DPP6: variants seen among roughly 807,000 people sequenced by gnomAD.
DPP6 encodes the protein A-type potassium channel modulatory protein DPP6.
In DPP6, 69 loss-of-function variants were observed where a neutral mutation model predicts 122.6. The observed-to-expected ratio is 0.56, with a 90% CI of 0.46 to 0.69. The LOEUF is 0.69. Among genes scored for constraint, DPP6 ranks in the 30% least tolerant of loss-of-function variants. The pLI is 0.00. For missense variants in DPP6, 928 were observed against 1,116.9 expected (o/e 0.83, Z 2.41); for synonymous variants, 418 against 433.1 (o/e 0.97, Z 0.43).
chr7:154,083,893 G>T (rs1040210119), intron 1 of DPP6, among the ~76,000 whole-genome samples: 4 of 147,170 alleles, frequency 2.7e-5, no homozygotes, highest in African/African-American at 1.1e-4. Flanking sequence ...TGGGAAATGG[G>T]AGAACAGCTG....
intron 1 of DPP6, among the ~76,000 whole-genome samples, chr7:154,201,573 A>G (rs943649568): frequency 2.0e-5 from 3 of 152,198 alleles, no homozygotes; most frequent in African/African-American, 7.2e-5. Context: ...TCACTCCTAA[A>G]TAAGAAAGTA....
intron 1 of DPP6, among the ~76,000 whole-genome samples, chr7:153,979,037 G>A (rs868323141): frequency 6.6e-5 from 10 of 151,834 alleles, no homozygotes; most frequent in East Asian, 3.9e-4. Context: ...CTCTTTTTTC[G>A]GTTCCATATG....
chr7:153,851,835 TTGAC>T, the DPP6 span, among the ~76,000 whole-genome samples: 1 of 152,224 alleles, frequency 6.6e-6, no homozygotes, highest in Non-Finnish European at 1.5e-5. Flanking sequence ...TTTTCATTGT[TTGAC>T]TAAGTTCTTG....
At chr7:154,124,519 G>A (rs559902109) in intron 1 of DPP6, among the ~76,000 whole-genome samples, 27 of 152,322 alleles carry the variant, frequency 1.8e-4, no homozygotes, top group African/African-American at 4.8e-4. Flanking sequence ...CAGGGAGTTA[G>A]TGTTTTCTCC....
At chr7:154,382,788 A>G (rs889255512) in intron 1 of DPP6, among the ~76,000 whole-genome samples, 3 of 152,026 alleles carry the variant, frequency 2.0e-5, no homozygotes, top group Admixed American at 6.6e-5. Flanking sequence ...CTGTAGTGCA[A>G]TGGTGCGGTC....
In DPP6 at chr7:154,446,309, G is replaced by A. The variant is rs376122301; in HGVS notation, c.339G>A (p.Ser113=). 120 of 1,611,606 alleles carry A rather than the reference G, an allele frequency of 7.4e-5. No homozygotes were observed. Among genetic ancestry groups the A allele is most frequent in the African/African-American group, 2.0e-4 (15 of 74,902 alleles). ...ILVICSLIVT[S]VILLTPAEDN... is the part of the protein sequence containing the mutation. ...TCATCTGCTCCTTGATCGTCACCTCGGTCATACTTCTGACACCAGGTACTG... is the reference window on the plus strand; with the variant it reads ...TCATCTGCTCCTTGATCGTCACCTCAGTCATACTTCTGACACCAGGTACTG... The change falls in exon 2 of 26, where the codon TCG becomes TCA. Residue 113 remains serine, a synonymous_variant. Coordinates refer to ENST00000377770, the MANE Select transcript of DPP6 (RefSeq NM_130797.4).
intron 1 of DPP6, among the ~76,000 whole-genome samples, chr7:154,398,361 A>T (rs1020906588): frequency 6.6e-6 from 1 of 152,184 alleles, no homozygotes; most frequent in Non-Finnish European, 1.5e-5. Context: ...CTTAACTCTA[A>T]GCATTAGCAT....
the DPP6 span, among the ~76,000 whole-genome samples, chr7:153,828,174 C>A: frequency 0.053 from 8,005 of 152,234 alleles, 673 homozygotes; most frequent in African/African-American, 0.18. Flanking sequence ...GAGAGGCCCA[C>A]TTCCTCTGCA....
At chr7:154,238,444 G>A (rs2150867316) in intron 1 of DPP6, among the ~76,000 whole-genome samples, 1 of 152,284 alleles carries the variant, frequency 6.6e-6, no homozygotes, top group South Asian at 2.1e-4. Context: ...GGTGATAATA[G>A]CAATAACTGG....
At chr7:154,281,282 G>A (rs969505879) in intron 1 of DPP6, among the ~76,000 whole-genome samples, 7 of 152,066 alleles carry the variant, frequency 4.6e-5, no homozygotes, top group African/African-American at 1.7e-4. Flanking sequence ...CCTAATGCCA[G>A]GATTACAGGC....
chr7:154,692,006 G>T (rs1839959068), intron 7 of DPP6, among the ~76,000 whole-genome samples: 1 of 149,970 alleles, frequency 6.7e-6, no homozygotes, highest in Non-Finnish European at 1.5e-5. Flanking sequence ...CTGGATTGAT[G>T]ATGTGTATAA....
the DPP6 span, among the ~76,000 whole-genome samples, chr7:153,828,374 A>G: frequency 6.6e-6 from 1 of 152,146 alleles, no homozygotes; most frequent in African/African-American, 2.4e-5. Context: ...ATGACCCAAA[A>G]TGATACACGC....
intron 5 of DPP6, among the ~76,000 whole-genome samples, chr7:154,608,648 T>A (rs1033937183): frequency 6.6e-6 from 1 of 152,034 alleles, no homozygotes; most frequent in African/African-American, 2.4e-5. Context: ...TCATATGTTC[T>A]TTGTTGCTGT....
intron 1 of DPP6, among the ~76,000 whole-genome samples, chr7:154,217,372 T>C (rs192380794): frequency 2.6e-5 from 4 of 152,226 alleles, no homozygotes; most frequent in African/African-American, 9.6e-5. Context: ...TTGACCCACA[T>C]GAAAAGAATG....
chr7:153,918,444 ACACACACACACACACACACACACT>A (rs1365195118), intron 1 of DPP6, among the ~76,000 whole-genome samples: 2 of 132,840 alleles, frequency 1.5e-5, no homozygotes, highest in African/African-American at 5.5e-5. Context: ...ACACACACAC[ACACACACACACACACACACACACT>A]CTCTCTCTCT....
intron 20 of DPP6, 177 bp downstream of exon 20, chr7:154,876,277 C>T (rs1285342615): frequency 3.5e-6 from 4 of 1,138,898 alleles, no homozygotes; most frequent in Non-Finnish European, 4.6e-6. Flanking sequence ...ACTTAGGAAT[C>T]TTCTCCTAGG....
chr7:154,566,536 C>A (rs1830761299), intron 4 of DPP6, among the ~76,000 whole-genome samples: 1 of 151,986 alleles, frequency 6.6e-6, no homozygotes, highest in Non-Finnish European at 1.5e-5. Context: ...GGTGATCCAC[C>A]CACCTCGGCC....
chr7:154,438,469 CAAAAAAAAAAAAAAAAAA>C (rs58978160), intron 1 of DPP6, among the ~76,000 whole-genome samples: 1 of 37,464 alleles, frequency 2.7e-5, no homozygotes, highest in Non-Finnish European at 4.8e-5. Flanking sequence ...GACTCCAACT[CAAAAAAAAAAAAAAAAAA>C]AAAAAAAAAA....
the DPP6 span, among the ~76,000 whole-genome samples, chr7:153,793,552 C>T: frequency 3.4e-4 from 51 of 151,506 alleles, no homozygotes; most frequent in Non-Finnish European, 4.6e-4. Context: ...AGAAAATTTG[C>T]AGCCCGACAA....
Sources: allele counts gnomAD v4.1 joint callset (sites outside exome capture counted in the v4.1 genomes callset), GRCh38; gene constraint gnomAD v4.1.1; transcripts MANE v1.5; gene names NCBI Gene and HGNC (gene_info 2026-07-23, HGNC 2026-07-21).